SMYD3: variants seen among roughly 807,000 people sequenced by gnomAD.
SMYD3 encodes the protein SET and MYND domain containing 3.
In SMYD3, 36 loss-of-function variants were observed where a neutral mutation model predicts 57.7. That is an observed-to-expected ratio of 0.62 (90% CI 0.48 to 0.82). The LOEUF (loss-of-function observed/expected upper bound fraction) is 0.82, where lower values mean the gene tolerates loss of function less well. Ranked by LOEUF, SMYD3 falls within the 40% of genes least tolerant of loss-of-function variation. The probability of loss-of-function intolerance (pLI) is 0.00; values close to 1 mark genes in which losing one functional copy is unlikely to be tolerated. For missense variants in SMYD3, 515 were observed against 538.8 expected, an observed-to-expected ratio of 0.96 and a Z score of 0.44; for synonymous variants, 211 against 195.0, an observed-to-expected ratio of 1.08 and a Z score of -0.68.
At chr1:246,200,255 G>GAAGA (rs373503412) in intron 5 of SMYD3, among the ~76,000 whole-genome samples, 92 of 7,310 alleles carry the variant, frequency 0.013, 1 homozygote, top group South Asian at 0.021. Context: ...CTGTAATAGA[G>GAAGA]TAGAGAACAG....
At chr1:246,094,815 A>T (rs1459944218) in intron 5 of SMYD3, among the ~76,000 whole-genome samples, 1 of 152,012 alleles carries the variant, frequency 6.6e-6, no homozygotes, top group African/African-American at 2.4e-5. Flanking sequence ...CCTAACACAC[A>T]TCACAGTTCC....
At chr1:246,189,778 T>C (rs1347152357) in intron 5 of SMYD3, among the ~76,000 whole-genome samples, 2 of 152,192 alleles carry the variant, frequency 1.3e-5, no homozygotes. Flanking sequence ...TTAAGACATA[T>C]TGAAACTCCA....
intron 8 of SMYD3, among the ~76,000 whole-genome samples, chr1:245,881,615 T>C (rs2052782517): frequency 6.6e-6 from 1 of 152,068 alleles, no homozygotes; most frequent in Non-Finnish European, 1.5e-5. Context: ...GAGGACAAAA[T>C]ACAGAACAAG....
intron 5 of SMYD3, among the ~76,000 whole-genome samples, chr1:246,072,357 C>T (rs1238832633): frequency 1.3e-5 from 2 of 149,406 alleles, no homozygotes; most frequent in East Asian, 4.0e-4. Context: ...CGTGTTAGTT[C>T]TGGGGAGGGA....
intron 5 of SMYD3, among the ~76,000 whole-genome samples, chr1:245,934,329 C>T (rs191626799): frequency 0.039 from 5,864 of 152,100 alleles, 149 homozygotes; most frequent in South Asian, 0.063. Context: ...CCCCCCGGCA[C>T]CCCGACTCCT....
chr1:245,916,634 A>G (rs1226417881), intron 7 of SMYD3, among the ~76,000 whole-genome samples: 2 of 152,060 alleles, frequency 1.3e-5, no homozygotes, highest in Non-Finnish European at 2.9e-5. Flanking sequence ...AACTACCCAG[A>G]ATCAACCACT....
At chr1:245,969,628 C>A (rs1192938477) in intron 5 of SMYD3, among the ~76,000 whole-genome samples, 1 of 152,210 alleles carries the variant, frequency 6.6e-6, no homozygotes, top group Non-Finnish European at 1.5e-5. Flanking sequence ...GGGGAAAGGC[C>A]AGGAACACGG....
chr1:246,217,885 T>C (rs1203694313), intron 5 of SMYD3, among the ~76,000 whole-genome samples: 1 of 152,142 alleles, frequency 6.6e-6, no homozygotes, highest in Non-Finnish European at 1.5e-5. Context: ...TCTAGTGAAG[T>C]TGCAATAAGC....
At chr1:246,133,253 T>C (rs1185345211) in intron 5 of SMYD3, among the ~76,000 whole-genome samples, 1 of 152,008 alleles carries the variant, frequency 6.6e-6, no homozygotes, top group East Asian at 1.9e-4. Flanking sequence ...CCAAAGCTTG[T>C]CATTTAAATG....
At chr1:245,862,125 C>G (rs75763248) in intron 9 of SMYD3, among the ~76,000 whole-genome samples, 8,945 of 152,214 alleles carry the variant, frequency 0.059, 876 homozygotes, top group African/African-American at 0.2. Flanking sequence ...TCCATCTCAT[C>G]ATAGACAGCG....
At chr1:246,410,991 G>A (rs1384918100) in intron 1 of SMYD3, among the ~76,000 whole-genome samples, 1 of 149,274 alleles carries the variant, frequency 6.7e-6, no homozygotes, top group African/African-American at 2.5e-5. Flanking sequence ...ATGGTAGTTT[G>A]TATTTCTGTG....
chr1:245,929,976 A>G, intron 5 of SMYD3, 39 bp from the exon 6 acceptor site: 1 of 1,540,846 alleles, frequency 6.5e-7, no homozygotes, highest in Non-Finnish European at 9.0e-7. Context: ...TACTAGAGTC[A>G]CTTAAGAAAC....
At chr1:245,952,050 A>C (rs899217017) in intron 5 of SMYD3, among the ~76,000 whole-genome samples, 1 of 141,758 alleles carries the variant, frequency 7.1e-6, no homozygotes, top group East Asian at 2.6e-4. Flanking sequence ...GATTTAGATT[A>C]GAATTTGCCG....
At chr1:246,507,005 C>A in intron 1 of SMYD3, 49 bp downstream of exon 1, 2 of 1,157,930 alleles carry the variant, frequency 1.7e-6, no homozygotes, top group Non-Finnish European at 2.3e-6. Context: ...CCCTCCCCAG[C>A]ACCCCACACA....
intron 5 of SMYD3, among the ~76,000 whole-genome samples, chr1:246,135,769 T>C (rs1210670236): frequency 6.6e-6 from 1 of 152,074 alleles, no homozygotes; most frequent in Non-Finnish European, 1.5e-5. Context: ...CAAAATGACA[T>C]TTTAAATAAA....
chr1:246,272,709 C>T (rs1285639782), intron 5 of SMYD3, among the ~76,000 whole-genome samples: 1 of 152,172 alleles, frequency 6.6e-6, no homozygotes, highest in Non-Finnish European at 1.5e-5. Context: ...AAAATTTTTA[C>T]ATCAGTGTTC....
chr1:245,809,925 CA>C (rs1320882686), intron 10 of SMYD3, among the ~76,000 whole-genome samples: 1 of 152,188 alleles, frequency 6.6e-6, no homozygotes, highest in Non-Finnish European at 1.5e-5. Flanking sequence ...GTCATTTTCA[CA>C]AAGTCCCAAG....
At chr1:245,910,176 CAAAT>C (rs1014778473) in intron 8 of SMYD3, among the ~76,000 whole-genome samples, 3 of 152,036 alleles carry the variant, frequency 2.0e-5, no homozygotes, top group Admixed American at 6.5e-5. Flanking sequence ...CATCTGAAAA[CAAAT>C]AAAGAAAGCA....
At chr1:245,928,589 G>A (rs774941354) in intron 6 of SMYD3, among the ~76,000 whole-genome samples, 38 of 152,050 alleles carry the variant, frequency 2.5e-4, no homozygotes, top group Admixed American at 2.6e-4. Flanking sequence ...CAGGAGAATC[G>A]CTTGAACCCA....
Sources: allele counts gnomAD v4.1 joint callset (sites outside exome capture counted in the v4.1 genomes callset), GRCh38; gene constraint gnomAD v4.1.1; transcripts MANE v1.5; gene names NCBI Gene and HGNC (gene_info 2026-07-23, HGNC 2026-07-21).